LRBA: variants seen among roughly 807,000 people sequenced by gnomAD.
LRBA encodes lipopolysaccharide-responsive and beige-like anchor protein.
Under a neutral mutation model 330.0 loss-of-function variants are expected in LRBA, and 176 were observed. That is an observed-to-expected ratio of 0.53 (90% CI 0.47 to 0.60). LRBA has a LOEUF of 0.60. Among genes scored for constraint, LRBA ranks in the 20% least tolerant of loss-of-function variants. The probability of loss-of-function intolerance (pLI) is 0.00; values close to 1 mark genes in which losing one functional copy is unlikely to be tolerated. For synonymous variants in LRBA, 1,230 were observed against 1,193.0 expected (o/e 1.03, Z -0.64); for missense variants, 3,259 against 3,444.8 (o/e 0.95, Z 1.35).
At chr4:150,924,567 C>T (rs541721658) in intron 4 of LRBA, among the ~76,000 whole-genome samples, 6 of 152,032 alleles carry the variant, frequency 3.9e-5, no homozygotes, top group East Asian at 1.9e-4. Context: ...TTCAAGAGTC[C>T]GTAAAGACGT....
At chr4:150,801,981 G>A (rs1489121630) in intron 33 of LRBA, among the ~76,000 whole-genome samples, 1 of 148,918 alleles carries the variant, frequency 6.7e-6, no homozygotes, top group Non-Finnish European at 1.5e-5. Context: ...GAACAGCCTG[G>A]GCAACGCAGC....
chr4:150,376,424 T>C (rs1741337898), intron 47 of LRBA, among the ~76,000 whole-genome samples: 1 of 152,184 alleles, frequency 6.6e-6, no homozygotes, highest in Non-Finnish European at 1.5e-5. Flanking sequence ...TTGAAATAAG[T>C]TTAGACTTCC....
chr4:151,006,349 A>G (rs1319169638), intron 2 of LRBA, among the ~76,000 whole-genome samples: 2 of 152,112 alleles, frequency 1.3e-5, no homozygotes, highest in African/African-American at 4.8e-5. Context: ...TAAATAAAAT[A>G]AAAATAAAAG....
chr4:150,483,311 T>C (rs1757504522), intron 42 of LRBA, among the ~76,000 whole-genome samples: 1 of 152,032 alleles, frequency 6.6e-6, no homozygotes, highest in African/African-American at 2.4e-5. Context: ...TATGTTTGAG[T>C]CTATTTCTGG....
intron 37 of LRBA, among the ~76,000 whole-genome samples, chr4:150,644,333 G>C (rs1778940366): frequency 6.6e-6 from 1 of 151,740 alleles, no homozygotes; most frequent in Non-Finnish European, 1.5e-5. Flanking sequence ...CATCAAAACA[G>C]AATCTCTTCA....
At chr4:150,805,722 C>T (rs1454229425) in intron 33 of LRBA, among the ~76,000 whole-genome samples, 4 of 151,748 alleles carry the variant, frequency 2.6e-5, no homozygotes, top group Non-Finnish European at 4.4e-5. Flanking sequence ...ACCCATTATT[C>T]CTCATCCACT....
chr4:150,613,187 G>A (rs1264338409), intron 37 of LRBA, among the ~76,000 whole-genome samples: 1 of 152,182 alleles, frequency 6.6e-6, no homozygotes, highest in African/African-American at 2.4e-5. Flanking sequence ...TACCAACAAT[G>A]AGTAAAGACA....
At chr4:150,659,086 G>A (rs1243422338) in intron 37 of LRBA, among the ~76,000 whole-genome samples, 10 of 137,106 alleles carry the variant, frequency 7.3e-5, no homozygotes, top group East Asian at 4.7e-4. Context: ...CCTCCCAGCC[G>A]CCTGCCTTGG....
intron 44 of LRBA, among the ~76,000 whole-genome samples, chr4:150,459,602 T>C (rs1754513482): frequency 6.6e-6 from 1 of 151,930 alleles, no homozygotes; most frequent in Admixed American, 6.6e-5. Flanking sequence ...AAACAGCATA[T>C]GTAAAATGCC....
intron 45 of LRBA, among the ~76,000 whole-genome samples, chr4:150,436,359 C>T (rs1458030218): frequency 6.6e-6 from 1 of 152,154 alleles, no homozygotes; most frequent in African/African-American, 2.4e-5. Context: ...TACCAACAAA[C>T]TTACCTTATT....
intron 2 of LRBA, among the ~76,000 whole-genome samples, chr4:150,962,120 A>C (rs1159765041): frequency 1.3e-5 from 2 of 149,468 alleles, no homozygotes; most frequent in Non-Finnish European, 2.9e-5. Flanking sequence ...ATGGAGGAAT[A>C]ATAAACAATT....
chr4:150,733,379 T>A (rs1360475868), intron 36 of LRBA, among the ~76,000 whole-genome samples: 1 of 151,964 alleles, frequency 6.6e-6, no homozygotes, highest in Admixed American at 6.6e-5. Context: ...TAGAAGGGAA[T>A]CCTGACTTTA....
intron 34 of LRBA, among the ~76,000 whole-genome samples, chr4:150,769,143 C>A (rs1279840462): frequency 6.6e-6 from 1 of 151,964 alleles, no homozygotes; most frequent in South Asian, 2.1e-4. Flanking sequence ...TGGGTTTTCA[C>A]CATGTTGGCT....
At chr4:150,846,830 T>C (rs1687430247) in intron 26 of LRBA, among the ~76,000 whole-genome samples, 1 of 152,172 alleles carries the variant, frequency 6.6e-6, no homozygotes, top group African/African-American at 2.4e-5. Flanking sequence ...TTTCCATATA[T>C]AAGAACAGAT....
chr4:150,439,000 T>A lies in LRBA; in HGVS notation c.6781-2136A>T, dbSNP rs1026298950. Among the ~76,000 whole-genome samples, 5 of 152,278 alleles carry A rather than the reference T, an allele frequency of 3.3e-5. No individual in the cohort carries two copies. In the South Asian group the frequency reaches 1.0e-3, roughly 32 times the overall value. ...TACAAAAGAATCATATCTGACTTAC[T>A]AAATATGTGCCAGTTAAGAATGGAG... On this transcript the variant is annotated intron_variant, in intron 44 of 56. Transcript: ENST00000651943.
intron 36 of LRBA, among the ~76,000 whole-genome samples, chr4:150,689,468 A>G (rs1783922491): frequency 6.6e-6 from 1 of 152,132 alleles, no homozygotes. Flanking sequence ...TAAATAAATA[A>G]ATAAATATTT....
intron 42 of LRBA, among the ~76,000 whole-genome samples, chr4:150,483,518 G>C (rs1471751960): frequency 6.7e-6 from 1 of 148,206 alleles, no homozygotes; most frequent in African/African-American, 2.5e-5. Flanking sequence ...TAAAAAAATA[G>C]AGATGGGGTC....
chr4:150,823,921 T>C (rs1745842832), intron 30 of LRBA, among the ~76,000 whole-genome samples: 1 of 152,224 alleles, frequency 6.6e-6, no homozygotes, highest in Non-Finnish European at 1.5e-5. Context: ...TCTGAGTCTC[T>C]GTGGTTCCAT....
chr4:150,685,406 ATATATATATATATATTTTTTTTTT>A (rs1261332808), intron 36 of LRBA, among the ~76,000 whole-genome samples: 1 of 15,684 alleles, frequency 6.4e-5, no homozygotes, highest in Non-Finnish European at 1.2e-4. Context: ...ATATATATAT[ATATATATATATATATTTTTTTTTT>A]TTTTTTTTTT....
Sources: allele counts gnomAD v4.1 joint callset (sites outside exome capture counted in the v4.1 genomes callset), GRCh38; gene constraint gnomAD v4.1.1; transcripts MANE v1.5; gene names NCBI Gene and HGNC (gene_info 2026-07-23, HGNC 2026-07-21).